The following SYCP2 variants were observed in gnomAD, a reference collection of about 807,000 sequenced individuals.
SYCP2 encodes synaptonemal complex protein 2, also known as synaptonemal complex lateral element protein.
Under a neutral mutation model 211.3 loss-of-function variants are expected in SYCP2, and 55 were observed. The observed-to-expected ratio is 0.26, with a 90% CI of 0.21 to 0.33. SYCP2 has a LOEUF of 0.33. SYCP2 is among the 10% of genes least tolerant of loss of function. The probability of loss-of-function intolerance (pLI) is 1.00; values close to 1 mark genes in which losing one functional copy is unlikely to be tolerated. For synonymous variants in SYCP2, 570 were observed against 555.2 expected, an observed-to-expected ratio of 1.03 and a Z score of -0.37; for missense variants, 1,731 against 1,752.0, an observed-to-expected ratio of 0.99 and a Z score of 0.21.
intron 13 of SYCP2, 138 bp downstream of exon 13, chr20:59,912,235 A>T: frequency 3.9e-6 from 2 of 507,812 alleles, no homozygotes; most frequent in South Asian, 4.3e-5. Context: ...TCACTGTCAG[A>T]TACAGAATAC....
chr20:59,920,263 T>C, intron 5 of SYCP2, 96 bp downstream of exon 5: 2 of 1,159,728 alleles, frequency 1.7e-6, no homozygotes, highest in South Asian at 1.7e-5. Flanking sequence ...ATAAAGTTCC[T>C]AAATTTATTT....
At chr20:59,882,856 A>C (rs1324981766) in intron 26 of SYCP2, among the ~76,000 whole-genome samples, 1 of 151,996 alleles carries the variant, frequency 6.6e-6, no homozygotes, top group Non-Finnish European at 1.5e-5. Flanking sequence ...TAAAAATGAT[A>C]AAGATGGTAA....
intron 4 of SYCP2, among the ~76,000 whole-genome samples, chr20:59,920,748 T>A (rs576310847): frequency 2.6e-5 from 4 of 151,628 alleles, no homozygotes; most frequent in Non-Finnish European, 4.4e-5. Flanking sequence ...ATACAATGAA[T>A]CAGCAACTTT....
intron 2 of SYCP2, among the ~76,000 whole-genome samples, chr20:59,930,800 A>G (rs183649686): frequency 7.0e-4 from 106 of 152,286 alleles, no homozygotes; most frequent in African/African-American, 2.5e-3. Flanking sequence ...ACAATTCTAC[A>G]ATAATTTTAA....
intron 25 of SYCP2, among the ~76,000 whole-genome samples, chr20:59,886,275 A>C (rs1372115581): frequency 1.3e-5 from 2 of 152,032 alleles, no homozygotes; most frequent in African/African-American, 4.8e-5. Context: ...ACCACCTAAT[A>C]GACTATAAAT....
At chr20:59,918,781 C>A (rs1174481176) in intron 7 of SYCP2, among the ~76,000 whole-genome samples, 1 of 152,024 alleles carries the variant, frequency 6.6e-6, no homozygotes, top group African/African-American at 2.4e-5. Context: ...ATTTTGAAAA[C>A]AGAACACTAA....
chr20:59,933,043 A>C lies in SYCP2; in HGVS notation c.-140+526T>G, dbSNP rs1046329832. On this transcript the variant is annotated intron_variant, in intron 1 of 44. Coordinates refer to ENST00000357552, the MANE Select transcript of SYCP2 (RefSeq NM_014258.4). The stretch of plus-strand genomic sequence containing the variant: ...CCCCGAACCAACAAAGCACACACAC[A>C]CCCGAGATGCGCCCCAGGCCGCAGC... 2.0e-5 allele frequency among the ~76,000 whole-genome samples: 3 copies of C among 151,926 alleles called. No individual in the cohort carries two copies. In the East Asian group the frequency reaches 5.9e-4, roughly 30 times the overall value.
At chr20:59,890,903 C>T (rs987797144) in intron 24 of SYCP2, among the ~76,000 whole-genome samples, 10 of 151,542 alleles carry the variant, frequency 6.6e-5, no homozygotes, top group African/African-American at 2.4e-4. Context: ...AAGTAAATAG[C>T]AGCTAAGATG....
chr20:59,923,084 AAATT>A (rs2060571099), intron 2 of SYCP2, among the ~76,000 whole-genome samples: 1 of 151,986 alleles, frequency 6.6e-6, no homozygotes, highest in Admixed American at 6.6e-5. Context: ...TAACTGCCAC[AAATT>A]AATATATTGC....
chr20:59,905,172 C>A (rs959061768), intron 15 of SYCP2, among the ~76,000 whole-genome samples: 1 of 152,052 alleles, frequency 6.6e-6, no homozygotes, highest in Non-Finnish European at 1.5e-5. Context: ...AAATATAAAA[C>A]GGTAAAATCA....
chr20:59,892,828 T>A, intron 22 of SYCP2, 127 bp from the exon 23 acceptor site: 1 of 820,458 alleles, frequency 1.2e-6, no homozygotes, highest in Non-Finnish European at 1.8e-6. Context: ...GAAATTTATC[T>A]TATCTTACAG....
intron 16 of SYCP2, among the ~76,000 whole-genome samples, chr20:59,901,417 C>T (rs1187376242): frequency 6.6e-6 from 1 of 152,034 alleles, no homozygotes; most frequent in Non-Finnish European, 1.5e-5. Context: ...ACTTTTTAAA[C>T]ACCTGGCAGA....
chr20:59,868,941 G>T lies in SYCP2; in HGVS notation c.3742-16C>A. ...AATGACTTTCCTAAAATACGTATTA[G>T]AAATTAGAAAAAAATTCCGTAAATA... On this transcript the variant is annotated splice_polypyrimidine_tract_variant and intron_variant, in intron 36 of 44. Transcript: ENST00000357552. 3 of 1,562,532 alleles carry T rather than the reference G, an allele frequency of 1.9e-6. No individual in the cohort carries two copies. The highest frequency in any genetic ancestry group is 1.7e-6 in the Non-Finnish European group (2 of 1,148,718).
chr20:59,874,595 T>A (rs1216742973), intron 34 of SYCP2, among the ~76,000 whole-genome samples: 4 of 152,098 alleles, frequency 2.6e-5, no homozygotes, highest in Admixed American at 2.6e-4. Context: ...TCCTTAGTAC[T>A]GAGAACACAA....
At position 59,892,118 on chromosome 20, in the gene SYCP2, A is replaced by T. The variant is rs1042464347; in HGVS notation, c.2236T>A (p.Ser746Thr). Residue 746 changes from serine (S) to threonine (T), a missense_variant, in exon 24 of 45, where the codon TCA becomes ACA. By Grantham distance (58) the Ser-to-Thr change is moderately conservative. Around this residue, in one of 3 missense-constraint regions of SYCP2, gnomAD observed 1,387 missense variants for 1,351.3 expected, o/e 1.03. Coordinates refer to ENST00000357552, the MANE Select transcript of SYCP2 (RefSeq NM_014258.4). Reference sequence around the variant, plus strand: ...CAAGTAGCAGTATTCACATCTTTTGACAATATGTATTTCTTCCTATATATC... The same window carrying T: ...CAAGTAGCAGTATTCACATCTTTTGTCAATATGTATTTCTTCCTATATATC... ...SLIYRKKYIL[S>T]KDVNTATCDK... The T allele has an allele frequency of 1.2e-6, 2 of 1,612,166 alleles. No individual in the cohort carries two copies. Among genetic ancestry groups the T allele is most frequent in the Non-Finnish European group, 1.7e-6 (2 of 1,178,940 alleles).
At chr20:59,873,801 A>AACTT in intron 35 of SYCP2, 55 bp downstream of exon 35, 2 of 1,430,202 alleles carry the variant, frequency 1.4e-6, no homozygotes. Context: ...TAGGGAAAAT[A>AACTT]ACTTACTACC....
At chr20:59,866,451 T>A in intron 40 of SYCP2, 44 bp downstream of exon 40, 1 of 1,561,026 alleles carries the variant, frequency 6.4e-7, no homozygotes, top group South Asian at 1.1e-5. Context: ...AATATAGGAA[T>A]ATGTAGCATT....
chr20:59,892,697 G>A lies in SYCP2; in HGVS notation c.1798C>T (p.Pro600Ser), dbSNP rs577905015. The change falls in exon 23 of 45, where the codon CCT becomes TCT. Residue 600 changes from proline to serine, a missense_variant. By Grantham distance (74) the Pro-to-Ser change is moderately conservative (BLOSUM62 -1). Around this residue, in one of 3 missense-constraint regions of SYCP2, gnomAD observed 1,387 missense variants for 1,351.3 expected, o/e 1.03. Coordinates refer to ENST00000357552, the MANE Select transcript of SYCP2 (RefSeq NM_014258.4). ...CCACAGATGTTGTCTAAAACACCAGGTAATCTAGAAAATAAATTAATTTGC... is the reference window on the plus strand; with the variant it reads ...CCACAGATGTTGTCTAAAACACCAGATAATCTAGAAAATAAATTAATTTGC... ...AAEKRDHTIL[P>S]GVLDNICGNK... 1.3e-5 allele frequency: 20 copies of A among 1,597,584 alleles called. 1 individual carries two copies. In the South Asian group the frequency reaches 2.1e-4, roughly 16 times the overall value.
intron 2 of SYCP2, among the ~76,000 whole-genome samples, chr20:59,931,635 A>G (rs1263912784): frequency 1.3e-5 from 2 of 152,214 alleles, no homozygotes; most frequent in Non-Finnish European, 2.9e-5. Context: ...GAAACAGTGT[A>G]TTTTACAAAA....
Sources: gnomAD v4.1 joint callset for allele counts (sites outside exome capture counted in the v4.1 genomes callset) on GRCh38, gnomAD v4.1.1 for gene constraint, gnomAD v4.1.1 regional missense constraint, MANE v1.5 for transcripts, NCBI Gene and HGNC (gene_info 2026-07-23, HGNC 2026-07-21) for gene names.